The following TSPAN9 variants were observed in gnomAD, a reference collection of about 807,000 sequenced individuals.
TSPAN9 encodes the protein tetraspanin 9, also known as tetraspanin-9.
In TSPAN9, 16 loss-of-function variants were observed where a neutral mutation model predicts 31.0. That is an observed-to-expected ratio of 0.52 (90% CI 0.35 to 0.78). The LOEUF (loss-of-function observed/expected upper bound fraction) is 0.78. Ranked by LOEUF, TSPAN9 falls within the 30% of genes least tolerant of loss-of-function variation. The pLI is 0.01. For missense variants in TSPAN9, 272 were observed against 312.5 expected, an observed-to-expected ratio of 0.87 and a Z score of 0.98; for synonymous variants, 145 against 121.6, an observed-to-expected ratio of 1.19 and a Z score of -1.27.
intron 3 of TSPAN9, among the ~76,000 whole-genome samples, chr12:3,239,713 G>GT (rs1347729645): frequency 6.6e-6 from 1 of 152,232 alleles, no homozygotes; most frequent in East Asian, 1.9e-4. Context: ...AAACCCAGGA[G>GT]TGCTGGTTCC....
chr12:3,089,033 T>C (rs560541260), intron 2 of TSPAN9, among the ~76,000 whole-genome samples: 11 of 151,676 alleles, frequency 7.3e-5, no homozygotes, highest in East Asian at 6.0e-4. Context: ...GAGATCGAGA[T>C]CATCCTGGCT....
At chr12:3,278,911 G>A (rs560321149) in intron 4 of TSPAN9, 81 bp from the exon 5 acceptor site, 24 of 1,473,916 alleles carry the variant, frequency 1.6e-5, no homozygotes, top group Admixed American at 6.8e-5. Flanking sequence ...CCTAGGCGCC[G>A]CCTGTCCCTG....
At chr12:3,216,381 G>A (rs1477859033) in intron 3 of TSPAN9, among the ~76,000 whole-genome samples, 2 of 152,184 alleles carry the variant, frequency 1.3e-5, no homozygotes, top group Non-Finnish European at 2.9e-5. Flanking sequence ...TTGCTCCCCC[G>A]AGATGTCCAA....
intron 1 of TSPAN9, among the ~76,000 whole-genome samples, chr12:3,083,034 A>G (rs991054455): frequency 2.0e-5 from 3 of 152,238 alleles, no homozygotes; most frequent in African/African-American, 7.2e-5. Flanking sequence ...ATGTTTCTGC[A>G]GAGTCAAATG....
intron 3 of TSPAN9, among the ~76,000 whole-genome samples, chr12:3,232,712 TG>T (rs1365250033): frequency 6.6e-6 from 1 of 152,192 alleles, no homozygotes; most frequent in Non-Finnish European, 1.5e-5. Context: ...CAGCCCTCCC[TG>T]TCCTTGGAGT....
At chr12:3,162,333 T>C (rs779454490) in intron 2 of TSPAN9, among the ~76,000 whole-genome samples, 1 of 152,320 alleles carries the variant, frequency 6.6e-6, no homozygotes, top group South Asian at 2.1e-4. Context: ...TATTCCTTTA[T>C]AACAACACAA....
chr12:3,087,999 G>A (rs1797743363), intron 2 of TSPAN9, among the ~76,000 whole-genome samples: 1 of 152,338 alleles, frequency 6.6e-6, no homozygotes, highest in Non-Finnish European at 1.5e-5. Flanking sequence ...GGGACAGTAG[G>A]AGAAGATCCT....
intron 8 of TSPAN9, 112 bp from the exon 9 acceptor site, chr12:3,282,933 G>A: frequency 1.0e-6 from 1 of 1,002,128 alleles, no homozygotes; most frequent in South Asian, 1.4e-5. Context: ...TGGCACACCA[G>A]TGGCCATCCC....
rs1413114792 is a variant in TSPAN9, at chr12:3,285,615, C to G, written c.*2499C>G. On this transcript the variant is annotated 3_prime_UTR_variant, in exon 9 of 9. Coordinates refer to ENST00000011898, the MANE Select transcript of TSPAN9 (RefSeq NM_006675.5). ...GCCCCTTCCACTCAGAGGGCCACAC[C>G]CAGCGATGCCAGTGAAGGTGGCACA... 3 of 152,206 alleles carry G rather than the reference C, an allele frequency of 2.0e-5. No homozygotes were observed. Among genetic ancestry groups the G allele is most frequent in the African/African-American group, 7.2e-5 (3 of 41,452 alleles). 9.4% of individuals were successfully genotyped at this position (152,206 alleles called of 1,614,324 possible). A position where few individuals can be genotyped will look rare whatever the true frequency, so the allele number is the denominator to read the frequency against.
At chr12:3,240,445 A>G (rs902753907) in intron 3 of TSPAN9, among the ~76,000 whole-genome samples, 9 of 152,158 alleles carry the variant, frequency 5.9e-5, no homozygotes, top group African/African-American at 2.2e-4. Flanking sequence ...TGCACTGGGT[A>G]CTTCACACAC....
At chr12:3,102,339 G>A (rs923786391) in intron 2 of TSPAN9, among the ~76,000 whole-genome samples, 17 of 151,942 alleles carry the variant, frequency 1.1e-4, no homozygotes, top group Non-Finnish European at 2.1e-4. Context: ...TTTTGCCCAG[G>A]CTGGTCTCGA....
intron 3 of TSPAN9, among the ~76,000 whole-genome samples, chr12:3,222,367 C>A (rs2098385044): frequency 6.6e-6 from 1 of 152,202 alleles, no homozygotes; most frequent in Non-Finnish European, 1.5e-5. Flanking sequence ...GGCTTGGAAA[C>A]CTCGTCCAGG....
chr12:3,147,270 C>T lies in TSPAN9; in HGVS notation c.-17-53907C>T, dbSNP rs2098337721. ...GGAGGCAGGGACCACGGTCCCTGCC[C>T]TGGGATGAGGAGCCCGCCAGGGGCT... is the stretch of plus-strand genomic sequence containing the variant. On this transcript the variant is annotated intron_variant, in intron 2 of 8. Coordinates refer to ENST00000011898, the MANE Select transcript of TSPAN9 (RefSeq NM_006675.5). This position sits in a 1 kb window ranked among gnomAD's most constrained non-coding sequence, Gnocchi z 4.3. 6.6e-6 allele frequency among the ~76,000 whole-genome samples: 1 copy of T among 152,072 alleles called. No homozygotes were observed.
intron 3 of TSPAN9, among the ~76,000 whole-genome samples, chr12:3,276,530 C>T (rs1260455312): frequency 6.6e-6 from 1 of 152,196 alleles, no homozygotes; most frequent in Non-Finnish European, 1.5e-5. Context: ...GAACGTTCTT[C>T]CCCCAGATAG....
rs188681312 is a variant in TSPAN9 at position 3,231,456 on chromosome 12, T to C, written c.63+30200T>C. Among the ~76,000 whole-genome samples the C allele has an allele frequency of 8.8e-3, 1,347 of 152,312 alleles. 16 individuals carry two copies. The highest frequency in any genetic ancestry group is 0.014 in the Non-Finnish European group (974 of 68,020). ...GACCTGGCCCCAGCCCGAACAGTCCTGCATCAGCCCCGCGTCACTACGGAG... is the reference window on the plus strand; with the variant it reads ...GACCTGGCCCCAGCCCGAACAGTCCCGCATCAGCCCCGCGTCACTACGGAG... On this transcript the variant is annotated intron_variant, in intron 3 of 8. Coordinates refer to ENST00000011898, the MANE Select transcript of TSPAN9 (RefSeq NM_006675.5).
chr12:3,158,721 CAA>C (rs765787475), intron 2 of TSPAN9, among the ~76,000 whole-genome samples: 17 of 57,896 alleles, frequency 2.9e-4, no homozygotes, highest in African/African-American at 1.2e-3. Flanking sequence ...GACTCTGTCT[CAA>C]AAAAAAAAAA....
chr12:3,081,828 G>GTA (rs2098297981), intron 1 of TSPAN9, among the ~76,000 whole-genome samples: 1 of 48,378 alleles, frequency 2.1e-5, no homozygotes. Context: ...GTGTGTGTGT[G>GTA]TGTGTGTCTG....
chr12:3,144,640 G>A (rs1048533895), intron 2 of TSPAN9, among the ~76,000 whole-genome samples: 6 of 152,200 alleles, frequency 3.9e-5, no homozygotes, highest in South Asian at 2.1e-4. Flanking sequence ...CTCCCAGCTC[G>A]GGGTACTTTG....
chr12:3,281,668 G>T (rs1431769314), intron 7 of TSPAN9, 66 bp from the exon 8 acceptor site: 2 of 1,531,544 alleles, frequency 1.3e-6, no homozygotes, highest in South Asian at 1.2e-5. Flanking sequence ...AGAGTGAGCT[G>T]GGGGCTGGGC....
Sources: allele counts gnomAD v4.1 joint callset (sites outside exome capture counted in the v4.1 genomes callset), GRCh38; gene constraint gnomAD v4.1.1; non-coding constraint Gnocchi (gnomAD v3.1); transcripts MANE v1.5; gene names NCBI Gene and HGNC (gene_info 2026-07-23, HGNC 2026-07-21).